The following MICAL3 variants were observed in gnomAD, a reference collection of about 807,000 sequenced individuals.
MICAL3 encodes [F-actin]-monooxygenase MICAL3.
A neutral mutation model predicts 207.4 loss-of-function variants in MICAL3; 62 were observed. That is an observed-to-expected ratio of 0.30 (90% CI 0.24 to 0.37). The LOEUF (loss-of-function observed/expected upper bound fraction) is 0.37, where lower values mean the gene tolerates loss of function less well. MICAL3 is among the 10% of genes least tolerant of loss of function. MICAL3 has a pLI of 1.00. For synonymous variants in MICAL3, 1,077 were observed against 1,069.3 expected (o/e 1.01, Z -0.14); for missense variants, 2,368 against 2,635.6 (o/e 0.90, Z 2.22).
chr22:17,817,818 T>C lies in MICAL3; in HGVS notation c.4843A>G (p.Arg1615Gly). The C allele has an allele frequency of 6.2e-7, 1 of 1,610,398 alleles. No individual in the cohort carries two copies. The highest frequency in any genetic ancestry group is 8.5e-7 in the Non-Finnish European group (1 of 1,178,680). The change falls in exon 26 of 32, where the codon AGG becomes GGG. Residue 1615 changes from arginine (R) to glycine (G), a missense_variant. By Grantham distance (125) the Arg-to-Gly change is moderately radical. Transcript: ENST00000441493. ...KSQALRDAMA[R>G]QLSRMQQMEL... ...ATCTGCTGCATCCTGCTCAGCTGCC[T>C]GGCCATGGCGTCCCGCAGCGCCTGG...
chr22:17,888,954 G>A, intron 13 of MICAL3, 80 bp downstream of exon 13: 1 of 975,836 alleles, frequency 1.0e-6, no homozygotes, highest in Non-Finnish European at 1.5e-6. Flanking sequence ...CACTGCTGCG[G>A]GACAGTCGGA....
At chr22:17,851,142 T>G (rs1418421307) in intron 19 of MICAL3, among the ~76,000 whole-genome samples, 2 of 152,234 alleles carry the variant, frequency 1.3e-5, no homozygotes, top group African/African-American at 4.8e-5. Flanking sequence ...GTAGCGGTTA[T>G]GCGCTGGGAT....
rs554684078 is a variant in MICAL3, at chr22:17,849,138, T to C, written c.2606-7121A>G. On this transcript the variant is annotated intron_variant, in intron 19 of 31. Coordinates refer to ENST00000441493, the MANE Select transcript of MICAL3 (RefSeq NM_015241.3). ...AGGCGATGAGGGATAAGCAGCAGTG[T>C]TTGTTGAGCGACTACCTGTGCCGGG... is the stretch of plus-strand genomic sequence containing the variant. Among the ~76,000 whole-genome samples, 4 of 152,330 alleles carry C rather than the reference T, an allele frequency of 2.6e-5. No homozygotes were observed. In the East Asian group the frequency reaches 7.7e-4, roughly 29 times the overall value.
intron 19 of MICAL3, among the ~76,000 whole-genome samples, chr22:17,843,403 G>C (rs1924273809): frequency 6.6e-6 from 1 of 152,130 alleles, no homozygotes; most frequent in Non-Finnish European, 1.5e-5. Flanking sequence ...AATGTGAGTA[G>C]CACCGGGTCC....
chr22:17,949,450 C>T (rs757398086), intron 1 of MICAL3, among the ~76,000 whole-genome samples: 19 of 152,258 alleles, frequency 1.2e-4, no homozygotes, highest in Non-Finnish European at 2.1e-4. Context: ...ACACAGTGAG[C>T]GACAAAGCAG....
chr22:17,822,292 G>C, intron 23 of MICAL3, 122 bp from the exon 24 acceptor site: 1 of 1,278,170 alleles, frequency 7.8e-7, no homozygotes, highest in Non-Finnish European at 1.1e-6. Flanking sequence ...AGGCCTGGAG[G>C]CCCTTCTTAC....
At chr22:17,915,586 G>A (rs1932444750) in intron 1 of MICAL3, among the ~76,000 whole-genome samples, 2 of 152,142 alleles carry the variant, frequency 1.3e-5, no homozygotes, top group South Asian at 4.2e-4. Flanking sequence ...AGACTAACCT[G>A]GAACAGAATA....
intron 29 of MICAL3, chr22:17,791,661 T>A: frequency 7.1e-6 from 2 of 281,966 alleles, no homozygotes; most frequent in East Asian, 1.7e-4. Flanking sequence ...ATGTACTAGG[T>A]CTCCTTGGAG....
intron 19 of MICAL3, among the ~76,000 whole-genome samples, chr22:17,847,690 T>C (rs911097695): frequency 2.6e-5 from 4 of 152,238 alleles, no homozygotes; most frequent in Non-Finnish European, 4.4e-5. Context: ...ATTTGAGAAG[T>C]GTGCTCCTGC....
At chr22:17,856,915 C>T (rs1925978155) in intron 19 of MICAL3, among the ~76,000 whole-genome samples, 1 of 152,120 alleles carries the variant, frequency 6.6e-6, no homozygotes, top group Non-Finnish European at 1.5e-5. Context: ...GCCACCGCGC[C>T]CGGCCGAAAA....
At chr22:17,888,634 A>T (rs937679590) in intron 13 of MICAL3, among the ~76,000 whole-genome samples, 3 of 152,214 alleles carry the variant, frequency 2.0e-5, no homozygotes, top group African/African-American at 7.2e-5. Flanking sequence ...ACTGGGGAAC[A>T]GCTGCAGTAG....
intron 3 of MICAL3, 22 bp downstream of exon 3, chr22:17,904,610 C>G (rs377744146): frequency 6.3e-7 from 1 of 1,590,338 alleles, no homozygotes. Flanking sequence ...TGGAATCTTA[C>G]AGGAAAGCTA....
chr22:17,965,183 CAAA>C (rs370246938), intron 1 of MICAL3, among the ~76,000 whole-genome samples: 9,464 of 105,554 alleles, frequency 0.09, 437 homozygotes, highest in African/African-American at 0.17. Context: ...ACCCCGTCTC[CAAA>C]AAAAAAAAAA....
In MICAL3 at chr22:17,899,561, G is replaced by C; in HGVS notation, c.848-13C>G. 6.5e-7 allele frequency: 1 copy of C among 1,542,142 alleles called. No homozygotes were observed. Among genetic ancestry groups the C allele is most frequent in the Non-Finnish European group, 8.9e-7 (1 of 1,125,464 alleles). ...TCCAAGTCAATACCTGGGGCCAGAA[G>C]ACAAACGTGTGCATGTAAGTTTGCT... On this transcript the variant is annotated splice_polypyrimidine_tract_variant and intron_variant, in intron 6 of 31. Coordinates refer to ENST00000441493, the MANE Select transcript of MICAL3 (RefSeq NM_015241.3).
chr22:17,839,360 G>A (rs1350562364), intron 20 of MICAL3, among the ~76,000 whole-genome samples: 1 of 150,848 alleles, frequency 6.6e-6, no homozygotes, highest in African/African-American at 2.4e-5. Flanking sequence ...GGGTTCAAGC[G>A]ATTCTCCTGC....
Position 17,864,635 on chromosome 22 carries a change from C to A in MICAL3, c.2605+264G>T, listed in dbSNP as rs749019742. 2.5e-6 allele frequency: 4 copies of A among 1,578,128 alleles called. No homozygotes were observed. In the African/African-American group the frequency reaches 4.1e-5, roughly 16 times the overall value. On this transcript the variant is annotated intron_variant, in intron 19 of 31. Transcript: ENST00000441493. Reference sequence around the variant, plus strand: ...GAGGGACAGCACTTCACGGCTCTGCCGCCCACCGGACGGCCCCATCACTGG... The same window carrying A: ...GAGGGACAGCACTTCACGGCTCTGCAGCCCACCGGACGGCCCCATCACTGG...
At chr22:18,003,029 G>A (rs1923143316) in intron 1 of MICAL3, among the ~76,000 whole-genome samples, 1 of 151,832 alleles carries the variant, frequency 6.6e-6, no homozygotes, top group Non-Finnish European at 1.5e-5. Flanking sequence ...GCGTGGTGGT[G>A]GGCGCCTGTA....
chr22:17,870,759 C>T (rs981074462), intron 17 of MICAL3, among the ~76,000 whole-genome samples: 4 of 152,154 alleles, frequency 2.6e-5, no homozygotes, highest in Non-Finnish European at 4.4e-5. Flanking sequence ...ATCTAAACAG[C>T]GTCCTAATTC....
At chr22:17,837,361 A>G (rs920023695) in intron 20 of MICAL3, among the ~76,000 whole-genome samples, 1 of 152,208 alleles carries the variant, frequency 6.6e-6, no homozygotes, top group Non-Finnish European at 1.5e-5. Context: ...AACGCCTGCC[A>G]TCCACTTTTC....
Sources: gnomAD v4.1 joint callset for allele counts (sites outside exome capture counted in the v4.1 genomes callset) on GRCh38, gnomAD v4.1.1 for gene constraint, MANE v1.5 for transcripts, NCBI Gene and HGNC (gene_info 2026-07-23, HGNC 2026-07-21) for gene names.